BCAS1: variants seen among roughly 807,000 people sequenced by gnomAD.
BCAS1 encodes the protein brain enriched myelin associated protein 1, also known as breast carcinoma-amplified sequence 1.
In BCAS1, 46 loss-of-function variants were observed where a neutral mutation model predicts 65.4. The observed-to-expected ratio is 0.70, with a 90% confidence interval of 0.55 to 0.90. The LOEUF is 0.90. Among genes scored for constraint, BCAS1 ranks in the 40% least tolerant of loss-of-function variants. The pLI is 0.00. For synonymous variants in BCAS1, 298 were observed against 293.5 expected, an observed-to-expected ratio of 1.02 and a Z score of -0.16; for missense variants, 793 against 771.2, an observed-to-expected ratio of 1.03 and a Z score of -0.33.
chr20:53,954,003 C>T (rs1485350164), intron 11 of BCAS1, among the ~76,000 whole-genome samples: 5 of 152,114 alleles, frequency 3.3e-5, no homozygotes, highest in Admixed American at 1.3e-4. Flanking sequence ...TCATCTACTC[C>T]GTGTGGTCCA....
chr20:54,048,607 A>C (rs1010292613), intron 3 of BCAS1, among the ~76,000 whole-genome samples: 2 of 152,240 alleles, frequency 1.3e-5, no homozygotes, highest in Non-Finnish European at 2.9e-5. Flanking sequence ...TCTTGTGAGC[A>C]GGAGTGACAC....
chr20:54,059,397 T>A (rs1300184942), intron 1 of BCAS1, among the ~76,000 whole-genome samples: 2 of 152,232 alleles, frequency 1.3e-5, no homozygotes, highest in African/African-American at 4.8e-5. Flanking sequence ...TCACAGCTAT[T>A]AGGATTTTAG....
At chr20:54,045,222 A>AAAAAC (rs1555879311) in intron 3 of BCAS1, among the ~76,000 whole-genome samples, 12 of 149,006 alleles carry the variant, frequency 8.1e-5, no homozygotes, top group East Asian at 2.0e-4. Context: ...AAAAAAAAAA[A>AAAAAC]AAAACAAAAC....
In BCAS1 at chr20:53,957,432, T is replaced by G. The variant is rs35575210; in HGVS notation, c.1551A>C (p.Gln517His). 276,427 of 1,612,330 alleles carry G rather than the reference T, an allele frequency of 0.17. 24,950 individuals are homozygous for G. Among genetic ancestry groups the G allele is most frequent in the Middle Eastern group, 0.23 (1,378 of 6,060 alleles). Reference protein sequence around the residue: ...EEINGKDSSCQTSDSTEKTIT... With the variant: ...EEINGKDSSCHTSDSTEKTIT... Reference sequence around the variant, plus strand: ...CCAAACTGAGTTCGAGGTCACTTACTTGGCAGCTGGAGTCTTTCCCATTTA... The same window carrying G: ...CCAAACTGAGTTCGAGGTCACTTACGTGGCAGCTGGAGTCTTTCCCATTTA... Residue 517 changes from glutamine (Q) to histidine (H), a missense_variant and splice_region_variant, in exon 11 of 13, where the codon CAA becomes CAC. Transcript: ENST00000688948.
chr20:54,027,921 C>T (rs1332897561), intron 4 of BCAS1, among the ~76,000 whole-genome samples: 1 of 152,124 alleles, frequency 6.6e-6, no homozygotes, highest in Admixed American at 6.5e-5. Context: ...TTCAAACACA[C>T]ACCTTAGAGC....
At chr20:53,950,419 G>A (rs1302871836) in intron 12 of BCAS1, among the ~76,000 whole-genome samples, 6 of 142,638 alleles carry the variant, frequency 4.2e-5, no homozygotes, top group Non-Finnish European at 9.2e-5. Flanking sequence ...GGGATCCACC[G>A]ATTAAAAGTA....
chr20:54,063,784 A>G (rs1396829451), intron 1 of BCAS1, among the ~76,000 whole-genome samples: 1 of 152,170 alleles, frequency 6.6e-6, no homozygotes, highest in East Asian at 1.9e-4. Flanking sequence ...TCTTGTCTGT[A>G]ATAGTTTTCT....
intron 4 of BCAS1, among the ~76,000 whole-genome samples, chr20:54,025,774 C>A (rs957403324): frequency 1.3e-5 from 2 of 151,834 alleles, no homozygotes; most frequent in Admixed American, 1.3e-4. Context: ...CCAAGAAAGC[C>A]ACTGATTGAG....
intron 3 of BCAS1, among the ~76,000 whole-genome samples, chr20:54,036,564 G>A (rs2091903541): frequency 2.0e-5 from 3 of 151,118 alleles, no homozygotes; most frequent in South Asian, 2.1e-4. Flanking sequence ...TGGATAACCC[G>A]GGTAAGTTAT....
At chr20:53,946,788 G>A (rs1206452234) in intron 12 of BCAS1, among the ~76,000 whole-genome samples, 3 of 151,486 alleles carry the variant, frequency 2.0e-5, no homozygotes, top group Admixed American at 2.0e-4. Context: ...GAACACTATA[G>A]TATATAGTAT....
intron 12 of BCAS1, among the ~76,000 whole-genome samples, chr20:53,948,670 G>A (rs747399477): frequency 2.6e-5 from 4 of 152,174 alleles, no homozygotes; most frequent in Non-Finnish European, 4.4e-5. Context: ...AGGACTACAC[G>A]TCACAGTTCA....
chr20:53,967,521 T>C (rs2090066374), intron 9 of BCAS1, among the ~76,000 whole-genome samples: 1 of 152,232 alleles, frequency 6.6e-6, no homozygotes, highest in South Asian at 2.1e-4. Flanking sequence ...CCTGCAACTA[T>C]AAAGAAACTG....
chr20:53,981,845 T>C (rs894615074), intron 8 of BCAS1, among the ~76,000 whole-genome samples: 2 of 151,756 alleles, frequency 1.3e-5, no homozygotes, highest in Non-Finnish European at 2.9e-5. Flanking sequence ...TGTGTGTGTA[T>C]CATGTTCCTC....
chr20:54,032,506 T>A (rs913121799), intron 3 of BCAS1, among the ~76,000 whole-genome samples: 1 of 150,976 alleles, frequency 6.6e-6, no homozygotes, highest in East Asian at 1.9e-4. Flanking sequence ...GACTAAATGA[T>A]CCCATTAAAA....
chr20:53,947,110 C>A (rs1466800163), intron 12 of BCAS1, among the ~76,000 whole-genome samples: 2 of 152,080 alleles, frequency 1.3e-5, no homozygotes, highest in Non-Finnish European at 2.9e-5. Context: ...GATTGCTGGT[C>A]TTTGAACGCC....
intron 7 of BCAS1, among the ~76,000 whole-genome samples, chr20:53,991,178 T>C (rs1188989988): frequency 6.6e-6 from 1 of 152,236 alleles, no homozygotes; most frequent in Non-Finnish European, 1.5e-5. Context: ...TTAAACTAGA[T>C]TCTTTCCTAT....
At chr20:53,960,551 G>GGCAT (rs2089848347) in intron 10 of BCAS1, among the ~76,000 whole-genome samples, 2 of 151,054 alleles carry the variant, frequency 1.3e-5, no homozygotes, top group African/African-American at 4.9e-5. Flanking sequence ...CTTATTTTGA[G>GGCAT]GCATGTAAAG....
chr20:54,037,568 GTTTA>G (rs2091920520), intron 3 of BCAS1, among the ~76,000 whole-genome samples: 1 of 151,426 alleles, frequency 6.6e-6, no homozygotes, highest in Non-Finnish European at 1.5e-5. Flanking sequence ...TATGACATTT[GTTTA>G]TTTATTATTT....
chr20:54,014,440 A>G (rs1164272371), intron 4 of BCAS1, among the ~76,000 whole-genome samples: 1 of 152,230 alleles, frequency 6.6e-6, no homozygotes, highest in African/African-American at 2.4e-5. Context: ...AACTTCTGGC[A>G]CTTTCTTTCA....
Sources: gnomAD v4.1 joint callset for allele counts (sites outside exome capture counted in the v4.1 genomes callset) on GRCh38, gnomAD v4.1.1 for gene constraint, MANE v1.5 for transcripts, NCBI Gene and HGNC (gene_info 2026-07-23, HGNC 2026-07-21) for gene names.